The following GRM7 variants were observed in gnomAD, a reference collection of about 807,000 sequenced individuals.
GRM7 encodes the protein glutamate metabotropic receptor 7.
GRM7 carries 35 observed loss-of-function variants against 84.5 expected under a neutral mutation model. The ratio of observed to expected loss-of-function variants is 0.41; its 90% CI spans 0.32 to 0.55. The LOEUF (loss-of-function observed/expected upper bound fraction) is 0.55. GRM7 is among the 20% of genes least tolerant of loss of function. The probability of loss-of-function intolerance (pLI) is 0.19; values close to 1 mark genes in which losing one functional copy is unlikely to be tolerated. For synonymous variants in GRM7, 487 were observed against 455.1 expected (o/e 1.07, Z -0.89); for missense variants, 1,003 against 1,194.6 (o/e 0.84, Z 2.36).
chr3:6,906,340 G>A (rs1197831932), intron 1 of GRM7, among the ~76,000 whole-genome samples: 4 of 152,090 alleles, frequency 2.6e-5, no homozygotes, highest in African/African-American at 7.2e-5. Flanking sequence ...GAAGTGGGTG[G>A]CCCAGGGATG....
intron 5 of GRM7, among the ~76,000 whole-genome samples, chr3:7,451,278 T>A (rs746308811): frequency 6.6e-6 from 1 of 152,132 alleles, no homozygotes; most frequent in Non-Finnish European, 1.5e-5. Context: ...ATGGTGGGGA[T>A]CCAAAGGTAA....
At chr3:6,955,486 G>A (rs1020662679) in intron 1 of GRM7, among the ~76,000 whole-genome samples, 11 of 150,936 alleles carry the variant, frequency 7.3e-5, no homozygotes, top group African/African-American at 1.2e-4. Context: ...GCAGTGAGCC[G>A]AGATCACACC....
chr3:6,868,102 A>G lies in GRM7; in HGVS notation c.519+6195A>G, dbSNP rs1694997198. On this transcript the variant is annotated intron_variant, in intron 1 of 9. Transcript: ENST00000357716. The stretch of plus-strand genomic sequence containing the variant: ...ATAAGCCACTGTGCCACGTGCTAAA[A>G]GTACTTCATTTCATTTAATTCTCAC... Among the ~76,000 whole-genome samples the G allele has an allele frequency of 3.3e-5, 5 of 152,212 alleles. No homozygotes were observed. In the South Asian group the frequency reaches 1.0e-3, roughly 31 times the overall value.
At position 7,615,890 on chromosome 3, in the gene GRM7, T is replaced by C. The variant is rs555586462; in HGVS notation, c.2451+36533T>C. 1.6e-4 allele frequency among the ~76,000 whole-genome samples: 24 copies of C among 152,092 alleles called. No individual in the cohort carries two copies. The South Asian group carries it at 2.1e-3, about 13-fold the overall frequency. On this transcript the variant is annotated intron_variant, in intron 8 of 9. Coordinates refer to ENST00000357716, the MANE Select transcript of GRM7 (RefSeq NM_000844.4). ...TGTATGAGTGTATATGTATATATAG[T>C]ATATATTACATATAAGCATATAACG...
intron 2 of GRM7, among the ~76,000 whole-genome samples, chr3:7,180,368 C>T (rs926417573): frequency 2.6e-5 from 4 of 152,136 alleles, no homozygotes. Flanking sequence ...GCTCATACTT[C>T]TTACATCTCT....
chr3:6,887,539 G>A (rs373746717), intron 1 of GRM7, among the ~76,000 whole-genome samples: 1 of 152,222 alleles, frequency 6.6e-6, no homozygotes, highest in East Asian at 1.9e-4. Flanking sequence ...TTTCATCCAT[G>A]TCCCTACAAA....
At chr3:7,725,007 T>C (rs916809246) in intron 9 of GRM7, among the ~76,000 whole-genome samples, 11 of 152,172 alleles carry the variant, frequency 7.2e-5, no homozygotes, top group African/African-American at 2.7e-4. Flanking sequence ...CTCAAACTCC[T>C]AGCTTCAAGC....
At chr3:7,597,734 TG>T (rs1696117066) in intron 8 of GRM7, among the ~76,000 whole-genome samples, 1 of 152,200 alleles carries the variant, frequency 6.6e-6, no homozygotes, top group Non-Finnish European at 1.5e-5. Flanking sequence ...TATGTTTTTT[TG>T]CTAGGACCAT....
chr3:7,209,442 C>T (rs1696347935), intron 2 of GRM7, among the ~76,000 whole-genome samples: 1 of 152,008 alleles, frequency 6.6e-6, no homozygotes, highest in African/African-American at 2.4e-5. Context: ...GAGAAGGAGA[C>T]CCACAGAGAG....
intron 9 of GRM7, among the ~76,000 whole-genome samples, chr3:7,722,993 A>T (rs1702005557): frequency 6.6e-6 from 1 of 152,224 alleles, no homozygotes; most frequent in Non-Finnish European, 1.5e-5. Flanking sequence ...TTTTTTTATC[A>T]TAAGACTTCA....
intron 1 of GRM7, among the ~76,000 whole-genome samples, chr3:7,064,479 T>TATATACACACAC: frequency 1.0e-5 from 1 of 99,374 alleles, no homozygotes; most frequent in African/African-American, 3.9e-5. Flanking sequence ...TATATATATA[T>TATATACACACAC]ACACACATAT....
At chr3:7,102,687 C>T (rs1355876399) in intron 1 of GRM7, among the ~76,000 whole-genome samples, 1 of 151,712 alleles carries the variant, frequency 6.6e-6, no homozygotes. Flanking sequence ...TACACACATA[C>T]TCGACTGTTT....
chr3:7,568,638 G>A (rs1490032478), intron 7 of GRM7, among the ~76,000 whole-genome samples: 2 of 152,210 alleles, frequency 1.3e-5, no homozygotes, highest in Non-Finnish European at 2.9e-5. Context: ...CCCGGCGCTT[G>A]CGGGCCAGCT....
intron 1 of GRM7, among the ~76,000 whole-genome samples, chr3:7,142,547 G>C (rs1693980883): frequency 6.6e-6 from 1 of 152,244 alleles, no homozygotes; most frequent in South Asian, 2.1e-4. Context: ...GAGGGAAACT[G>C]CTCTCATGAT....
At chr3:7,231,447 C>A (rs1354724438) in intron 2 of GRM7, among the ~76,000 whole-genome samples, 2 of 151,954 alleles carry the variant, frequency 1.3e-5, no homozygotes, top group Non-Finnish European at 2.9e-5. Flanking sequence ...AAATTTGGAG[C>A]ATATATATAT....
chr3:7,414,967 C>T, intron 4 of GRM7, 56 bp from the exon 5 acceptor site: 15 of 1,380,042 alleles, frequency 1.1e-5, no homozygotes, highest in South Asian at 6.0e-5. Flanking sequence ...ATTTTTATTT[C>T]TGAATGTGCC....
At chr3:6,943,607 A>G (rs1241275732) in intron 1 of GRM7, among the ~76,000 whole-genome samples, 1 of 152,036 alleles carries the variant, frequency 6.6e-6, no homozygotes, top group Non-Finnish European at 1.5e-5. Context: ...CTTATAACAC[A>G]TATTGAAGTT....
In GRM7 at chr3:7,296,874, C is replaced by T. The variant is rs148137138; in HGVS notation, c.737-1810C>T. ...ATGTTGCCCCGACTGGTCTCCAACT[C>T]GTGGGCTTAAGTGACTCTCCCTCCT... On this transcript the variant is annotated intron_variant, in intron 2 of 9. Coordinates refer to ENST00000357716, the MANE Select transcript of GRM7 (RefSeq NM_000844.4). Among the ~76,000 whole-genome samples, 15 of 150,468 alleles carry T rather than the reference C, an allele frequency of 1.0e-4. 1 individual carries two copies. The East Asian group carries it at 2.5e-3, about 25-fold the overall frequency.
intron 6 of GRM7, among the ~76,000 whole-genome samples, chr3:7,457,623 T>TC (rs1398834418): frequency 6.6e-6 from 1 of 152,220 alleles, no homozygotes; most frequent in Non-Finnish European, 1.5e-5. Context: ...ATGTTAGCTT[T>TC]CCTTCATCAA....
Sources: allele counts gnomAD v4.1 joint callset (sites outside exome capture counted in the v4.1 genomes callset), GRCh38; gene constraint gnomAD v4.1.1; transcripts MANE v1.5; gene names NCBI Gene and HGNC (gene_info 2026-07-23, HGNC 2026-07-21).